The following MLXIPL variants were observed in gnomAD, a reference collection of about 807,000 sequenced individuals.
The protein encoded by MLXIPL is MLX interacting protein like.
MLXIPL carries 49 observed loss-of-function variants against 81.5 expected under a neutral mutation model. The observed-to-expected ratio is 0.60, with a 90% confidence interval of 0.48 to 0.76. The LOEUF (loss-of-function observed/expected upper bound fraction) is 0.76, where lower values mean the gene tolerates loss of function less well. MLXIPL is among the 30% of genes least tolerant of loss of function. The probability of loss-of-function intolerance (pLI) is 0.00; values close to 1 mark genes in which losing one functional copy is unlikely to be tolerated. For synonymous variants in MLXIPL, 466 were observed against 485.5 expected (o/e 0.96, Z 0.53); for missense variants, 1,053 against 1,167.0 (o/e 0.90, Z 1.42).
Position 73,595,654 on chromosome 7 carries a change from T to C in MLXIPL, c.2293A>G (p.Asn765Asp). 1 of 1,614,126 alleles carries C rather than the reference T, an allele frequency of 6.2e-7. No individual in the cohort carries two copies. Among genetic ancestry groups the C allele is most frequent in the African/African-American group, 1.3e-5 (1 of 75,048 alleles). ...DDYVRTRTLH[N>D]WKFWVFSILI... is the part of the protein sequence containing the mutation. ...GAGGATACCACCCAGAACTTCCAGT[T>C]GTGCAGCGTACGGGTTCGGACGTAG... Residue 765 changes from asparagine (N) to aspartate (D), a missense_variant, in exon 15 of 17, where the codon AAC becomes GAC. Transcript: ENST00000313375.
chr7:73,613,166 C>T (rs1276034769), intron 2 of MLXIPL, among the ~76,000 whole-genome samples: 1 of 152,166 alleles, frequency 6.6e-6, no homozygotes, highest in African/African-American at 2.4e-5. Context: ...CCTCCCCACT[C>T]CCGTGAAGCC....
chr7:73,624,303 G>A lies in MLXIPL; in HGVS notation c.190C>T (p.Arg64Trp), dbSNP rs782509094. 62 of 1,586,522 alleles carry A rather than the reference G, an allele frequency of 3.9e-5. No individual in the cohort carries two copies. Among genetic ancestry groups the A allele is most frequent in the African/African-American group, 5.4e-5 (4 of 74,498 alleles). Reference protein sequence around the residue: ...VSSPHSDSLPRRRDQEGSVGP... With the variant: ...VSSPHSDSLPWRRDQEGSVGP... The stretch of plus-strand genomic sequence containing the variant: ...ACGGACCCCTCCTGGTCGCGCCGCC[G>A]GGGCAGCGAGTCGCTGTGCGGCGAC... Residue 64 changes from arginine to tryptophan, a missense_variant, in exon 1 of 17, where the codon CGG (arginine) becomes TGG (tryptophan). Arg to Trp is a moderately radical substitution (Grantham distance 101). This residue lies in a region of MLXIPL where 226 missense variants were observed against 216.2 expected (regional missense o/e 1.05). Coordinates refer to ENST00000313375, the MANE Select transcript of MLXIPL (RefSeq NM_032951.3).
chr7:73,630,127 A>T, the MLXIPL span, among the ~76,000 whole-genome samples: 5 of 151,682 alleles, frequency 3.3e-5, no homozygotes, highest in Non-Finnish European at 7.4e-5. Flanking sequence ...CCTCCCAAGT[A>T]GCTGGGACTA....
At chr7:73,615,071 A>G (rs1301011050) in intron 2 of MLXIPL, among the ~76,000 whole-genome samples, 1 of 152,080 alleles carries the variant, frequency 6.6e-6, no homozygotes, top group African/African-American at 2.4e-5. Flanking sequence ...TGGCCTTCCA[A>G]AGTGCTGGGA....
the MLXIPL span, among the ~76,000 whole-genome samples, chr7:73,646,615 T>C: frequency 6.6e-6 from 1 of 152,228 alleles, no homozygotes; most frequent in East Asian, 1.9e-4. Flanking sequence ...ATGGGTCATC[T>C]TCTCAAGATG....
At chr7:73,635,484 C>A in the MLXIPL span, among the ~76,000 whole-genome samples, 1 of 151,974 alleles carries the variant, frequency 6.6e-6, no homozygotes, top group Non-Finnish European at 1.5e-5. Context: ...ACAATCTGTC[C>A]ATTCACCTTA....
chr7:73,646,805 G>A, the MLXIPL span, among the ~76,000 whole-genome samples: 1 of 152,144 alleles, frequency 6.6e-6, no homozygotes, highest in Non-Finnish European at 1.5e-5. Flanking sequence ...GGGCAGGGGA[G>A]TTGCTGAGTG....
chr7:73,600,168 A>AGG lies in MLXIPL; in HGVS notation c.902-475_902-474dup, dbSNP rs1218886463. ...AGTTCAAGAGGGTGAGTTGGAGATGAGGGGGAACGTGAGGTCACTGGGTCC... is the reference window on the plus strand; with the variant it reads ...AGTTCAAGAGGGTGAGTTGGAGATGAGGGGGGGAACGTGAGGTCACTGGGTCC... On this transcript the variant is annotated intron_variant, in intron 7 of 16. Coordinates refer to ENST00000313375, the MANE Select transcript of MLXIPL (RefSeq NM_032951.3). Among the ~76,000 whole-genome samples the AGG allele has an allele frequency of 2.9e-4, 44 of 151,054 alleles. 1 individual carries two copies. Among genetic ancestry groups the AGG allele is most frequent in the Middle Eastern group, 3.5e-3 (1 of 288 alleles).
At chr7:73,640,714 T>G in the MLXIPL span, among the ~76,000 whole-genome samples, 1 of 147,600 alleles carries the variant, frequency 6.8e-6, no homozygotes, top group Non-Finnish European at 1.5e-5. Context: ...GAGGCGGAGG[T>G]TGCAGTGAGC....
At chr7:73,600,897 G>T (rs970080612) in intron 7 of MLXIPL, among the ~76,000 whole-genome samples, 1 of 151,942 alleles carries the variant, frequency 6.6e-6, no homozygotes. Context: ...CACATCCCGG[G>T]CCTGGGCGCC....
rs111426122 is a variant in MLXIPL, at chr7:73,593,257, C to CCACA, written c.*604_*607dup. 10 of 161,328 alleles carry CCACA rather than the reference C, an allele frequency of 6.2e-5. No homozygotes were observed. The highest frequency in any genetic ancestry group is 1.2e-4 in the Admixed American group (2 of 16,896). 10.0% of individuals were successfully genotyped at this position (161,328 alleles called of 1,614,324 possible). On this transcript the variant is annotated 3_prime_UTR_variant, in exon 17 of 17. Coordinates refer to ENST00000313375, the MANE Select transcript of MLXIPL (RefSeq NM_032951.3). The stretch of plus-strand genomic sequence containing the variant: ...CTTTACAAAACCCACACACACACAT[C>CCACA]CACACACACACACACACATGATGCC...
At chr7:73,605,585 G>T in intron 7 of MLXIPL, 103 bp downstream of exon 7, 1 of 996,956 alleles carries the variant, frequency 1.0e-6, no homozygotes, top group South Asian at 1.4e-5. Context: ...AAAAAGAAAC[G>T]ACCCAGACTA....
the MLXIPL span, among the ~76,000 whole-genome samples, chr7:73,633,173 C>A: frequency 0.02 from 3,069 of 150,710 alleles, 35 homozygotes; most frequent in Middle Eastern, 0.062. Context: ...CTTCACCTCC[C>A]AGGTTCATGC....
chr7:73,598,553 T>A (rs1367512366), intron 8 of MLXIPL, among the ~76,000 whole-genome samples: 1 of 152,196 alleles, frequency 6.6e-6, no homozygotes. Context: ...GATGCATCTA[T>A]CCATTCACCA....
intron 7 of MLXIPL, among the ~76,000 whole-genome samples, chr7:73,603,855 A>C (rs921164709): frequency 2.6e-5 from 4 of 152,206 alleles, no homozygotes; most frequent in Non-Finnish European, 5.9e-5. Flanking sequence ...CTGGGAGGAC[A>C]CTGAGGAATC....
intron 5 of MLXIPL, 69 bp downstream of exon 5, chr7:73,606,905 C>T: frequency 6.4e-7 from 1 of 1,550,702 alleles, no homozygotes; most frequent in Non-Finnish European, 8.8e-7. Flanking sequence ...CGGAAACTGT[C>T]AACTCTGCCT....
chr7:73,606,260 G>C, intron 5 of MLXIPL, 149 bp from the exon 6 acceptor site: 1 of 807,294 alleles, frequency 1.2e-6, no homozygotes, highest in Non-Finnish European at 2.0e-6. Flanking sequence ...CTAGCTTGCT[G>C]CTTGAAAGGC....
At chr7:73,641,959 T>C in the MLXIPL span, among the ~76,000 whole-genome samples, 1 of 152,118 alleles carries the variant, frequency 6.6e-6, no homozygotes, top group East Asian at 1.9e-4. Context: ...TACCTGGAGT[T>C]AGCATCCGAT....
At chr7:73,616,321 G>A in intron 1 of MLXIPL, 144 bp from the exon 2 acceptor site, 1 of 728,166 alleles carries the variant, frequency 1.4e-6, no homozygotes, top group Admixed American at 2.0e-5. Context: ...CAACCTGCCT[G>A]AAATTCCTAT....
Sources: allele counts gnomAD v4.1 joint callset (sites outside exome capture counted in the v4.1 genomes callset), GRCh38; gene constraint gnomAD v4.1.1; regional missense constraint gnomAD v4.1.1; transcripts MANE v1.5; gene names NCBI Gene and HGNC (gene_info 2026-07-23, HGNC 2026-07-21).